DNAH12: variants seen among roughly 807,000 people sequenced by gnomAD.
The protein encoded by DNAH12 is dynein axonemal heavy chain 12.
A neutral mutation model predicts 371.5 loss-of-function variants in DNAH12; 285 were observed. The observed-to-expected ratio is 0.77, with a 90% confidence interval of 0.70 to 0.85. The LOEUF is 0.85. DNAH12 is among the 40% of genes least tolerant of loss of function. The pLI, the probability that DNAH12 is intolerant of heterozygous loss-of-function variation, is 0.00. For synonymous variants in DNAH12, 1,200 were observed against 1,213.0 expected, an observed-to-expected ratio of 0.99 and a Z score of 0.22; for missense variants, 3,611 against 3,689.4, an observed-to-expected ratio of 0.98 and a Z score of 0.55.
At chr3:57,315,207 C>G (rs9815580) in intron 65 of DNAH12, among the ~76,000 whole-genome samples, 1 of 151,526 alleles carries the variant, frequency 6.6e-6, no homozygotes, top group African/African-American at 2.4e-5. Context: ...AAGGTCCCCC[C>G]CAAGTAAATT....
At chr3:57,304,295 C>A (rs2061424245) in intron 69 of DNAH12, among the ~76,000 whole-genome samples, 1 of 152,122 alleles carries the variant, frequency 6.6e-6, no homozygotes, top group Non-Finnish European at 1.5e-5. Context: ...CGGGGGACCT[C>A]CCTTGGGAGA....
At chr3:57,408,128 C>T (rs1347611396) in intron 40 of DNAH12, among the ~76,000 whole-genome samples, 152 bp downstream of exon 40, 1 of 152,198 alleles carries the variant, frequency 6.6e-6, no homozygotes, top group East Asian at 1.9e-4. Flanking sequence ...TGGATTCCCT[C>T]ATTTCAAATC....
chr3:57,389,822 G>GTGTA (rs1326306277), intron 45 of DNAH12, among the ~76,000 whole-genome samples: 14 of 45,844 alleles, frequency 3.1e-4, no homozygotes, highest in South Asian at 9.7e-4. Flanking sequence ...GTGTGTGTGT[G>GTGTA]TATATATATA....
At position 57,405,989 on chromosome 3, in the gene DNAH12, G is replaced by C; in HGVS notation, c.6277-37C>G. 4 of 1,506,532 alleles carry C rather than the reference G, an allele frequency of 2.7e-6. No homozygotes were observed. In the African/African-American group the frequency reaches 4.2e-5, roughly 16 times the overall value. The allele number at this position is 1,506,532 out of a possible 1,614,324, so 93.3% of individuals were successfully genotyped here. The stretch of plus-strand genomic sequence containing the variant: ...AAAAGCAACAAAGCAAAAATAAAAT[G>C]CTTATAATCAGTAAAGTCATGTAAC... On this transcript the variant is annotated intron_variant, in intron 40 of 73. Transcript: ENST00000495027.
At chr3:57,429,077 G>A (rs1379217049) in intron 33 of DNAH12, among the ~76,000 whole-genome samples, 2 of 152,024 alleles carry the variant, frequency 1.3e-5, no homozygotes, top group Non-Finnish European at 2.9e-5. Context: ...CAATCTCCCT[G>A]GAGAAGTCTT....
intron 65 of DNAH12, among the ~76,000 whole-genome samples, chr3:57,319,324 C>T (rs1559549697): frequency 6.6e-6 from 1 of 152,240 alleles, no homozygotes; most frequent in East Asian, 1.9e-4. Flanking sequence ...CAAACAAGGA[C>T]AATTTTACTT....
In DNAH12 at chr3:57,437,920, A is replaced by G. The variant is rs570433806; in HGVS notation, c.4546-860T>C. The stretch of plus-strand genomic sequence containing the variant: ...ACTACAGCTCAGTAATGCTGCAACA[A>G]AACTCTGACTTAGGTCAACACTCAA... On this transcript the variant is annotated intron_variant, in intron 29 of 73. Transcript: ENST00000495027. 3.3e-5 allele frequency among the ~76,000 whole-genome samples: 5 copies of G among 152,226 alleles called. No individual in the cohort carries two copies. The East Asian group carries it at 9.6e-4, about 29-fold the overall frequency.
chr3:57,505,430 T>A (rs2067718045), intron 8 of DNAH12, among the ~76,000 whole-genome samples: 1 of 151,846 alleles, frequency 6.6e-6, no homozygotes, highest in Admixed American at 6.6e-5. Flanking sequence ...TGTTTTTGGT[T>A]TTGGTTTTTT....
chr3:57,404,932 G>C (rs1405387626), intron 42 of DNAH12, 37 bp downstream of exon 42: 1 of 1,428,266 alleles, frequency 7.0e-7, no homozygotes, highest in Non-Finnish European at 9.1e-7. Flanking sequence ...ACATTTTACA[G>C]ATAGCAATTT....
chr3:57,422,342 C>T (rs1056851397), intron 35 of DNAH12, among the ~76,000 whole-genome samples: 2 of 152,180 alleles, frequency 1.3e-5, no homozygotes, highest in African/African-American at 2.4e-5. Context: ...ATTCTCCTGC[C>T]TCAGCCTCCC....
intron 70 of DNAH12, 140 bp from the exon 71 acceptor site, chr3:57,297,124 A>C: frequency 1.1e-6 from 1 of 885,178 alleles, no homozygotes; most frequent in Non-Finnish European, 1.7e-6. Context: ...CGTCAAACAC[A>C]CAGCCTACCT....
intron 58 of DNAH12, among the ~76,000 whole-genome samples, chr3:57,362,109 C>T (rs980428415): frequency 6.6e-6 from 1 of 151,554 alleles, no homozygotes; most frequent in Non-Finnish European, 1.5e-5. Flanking sequence ...TAAGAACATG[C>T]AGTGTTTGGT....
At chr3:57,413,687 A>G in intron 39 of DNAH12, 59 bp downstream of exon 39, 1 of 1,481,594 alleles carries the variant, frequency 6.7e-7, no homozygotes, top group Non-Finnish European at 9.0e-7. Flanking sequence ...TTTACTTTAA[A>G]AACCTAAAAT....
chr3:57,545,411 G>A (rs757770625), upstream of DNAH12, among the ~76,000 whole-genome samples: 2 of 150,834 alleles, frequency 1.3e-5, no homozygotes, highest in East Asian at 1.9e-4. Context: ...CGCCCACCTC[G>A]GCCTCCCAAA....
intron 73 of DNAH12, among the ~76,000 whole-genome samples, chr3:57,295,152 CTA>C (rs1480707035): frequency 2.0e-5 from 3 of 152,120 alleles, no homozygotes; most frequent in Non-Finnish European, 4.4e-5. Flanking sequence ...CCAGAAAATG[CTA>C]GTCACTAGCG....
At chr3:57,446,357 T>C (rs1454583572) in intron 26 of DNAH12, 87 bp from the exon 27 acceptor site, 34 of 1,459,504 alleles carry the variant, frequency 2.3e-5, no homozygotes, top group South Asian at 1.9e-4. Context: ...TAAGTCAGAA[T>C]TGAAAGTTAA....
chr3:57,298,980 C>G (rs1166743108), intron 70 of DNAH12, among the ~76,000 whole-genome samples: 1 of 152,182 alleles, frequency 6.6e-6, no homozygotes, highest in African/African-American at 2.4e-5. Flanking sequence ...ATGAAATGGA[C>G]TTTGTCTCTG....
intron 58 of DNAH12, among the ~76,000 whole-genome samples, chr3:57,358,441 G>T (rs994457405): frequency 6.8e-6 from 1 of 146,994 alleles, no homozygotes; most frequent in African/African-American, 2.5e-5. Context: ...AAGGCCTTCC[G>T]TTCATCCTTG....
chr3:57,375,413 A>C lies in DNAH12; in HGVS notation c.8717T>G (p.Phe2906Cys), dbSNP rs1008592143. ...AACGATCACTCCGTTATCTATGGAA[A>C]ATGTATCTGTTGGTAAACCAGCAAT... The part of the protein sequence containing the change: ...WNIAGLPTDT[F>C]SIDNGVIVNN... Residue 2906 changes from phenylalanine to cysteine, a missense_variant, in exon 55 of 74, where the codon TTT (phenylalanine) becomes TGT (cysteine). By Grantham distance (205) the Phe-to-Cys change is radical. Transcript: ENST00000495027. 4 of 152,144 alleles carry C rather than the reference A, an allele frequency of 2.6e-5. No homozygotes were observed. The highest frequency in any genetic ancestry group is 9.7e-5 in the African/African-American group (4 of 41,436). The allele number at this position is 152,144 out of a possible 1,614,324, so 9.4% of individuals were successfully genotyped here. A position where few individuals can be genotyped will look rare whatever the true frequency, so the allele number is the denominator to read the frequency against.
Sources: allele counts gnomAD v4.1 joint callset (sites outside exome capture counted in the v4.1 genomes callset), GRCh38; gene constraint gnomAD v4.1.1; transcripts MANE v1.5; gene names NCBI Gene and HGNC (gene_info 2026-07-23, HGNC 2026-07-21).